PTPRG: variants seen among roughly 807,000 people sequenced by gnomAD.
PTPRG encodes the protein protein tyrosine phosphatase receptor type G.
A neutral mutation model predicts 165.3 loss-of-function variants in PTPRG; 102 were observed. That is an observed-to-expected ratio of 0.62 (90% CI 0.53 to 0.73). The LOEUF (loss-of-function observed/expected upper bound fraction) is 0.73. Among genes scored for constraint, PTPRG ranks in the 30% least tolerant of loss-of-function variants. The probability of loss-of-function intolerance (pLI) is 0.00; values close to 1 mark genes in which losing one functional copy is unlikely to be tolerated. For synonymous variants in PTPRG, 675 were observed against 669.5 expected (o/e 1.01, Z -0.13); for missense variants, 1,866 against 1,861.4 (o/e 1.00, Z -0.05).
intron 2 of PTPRG, among the ~76,000 whole-genome samples, chr3:61,936,251 A>T (rs927958533): frequency 2.4e-4 from 37 of 152,232 alleles, no homozygotes; most frequent in Non-Finnish European, 3.7e-4. Flanking sequence ...TTGTTACAGC[A>T]GCACAGACAG....
intron 2 of PTPRG, among the ~76,000 whole-genome samples, chr3:61,758,117 G>A (rs1398262980): frequency 6.6e-6 from 1 of 152,068 alleles, no homozygotes; most frequent in Non-Finnish European, 1.5e-5. Context: ...CCAGGCTGAA[G>A]TGCCTGGTAC....
intron 4 of PTPRG, among the ~76,000 whole-genome samples, chr3:62,047,292 C>T (rs1700326451): frequency 9.7e-6 from 1 of 102,608 alleles, no homozygotes; most frequent in Admixed American, 1.0e-4. Context: ...TGGAGTCTTG[C>T]TCTATCGCCC....
rs182261622 is a variant in PTPRG, at chr3:61,934,644, A to G, written c.191-54981A>G. Reference sequence around the variant, plus strand: ...TGCATTGTGGCCAGCTGGAAGGTACAAAGTATAGAGTATGTCTCATTCCCT... The same window carrying G: ...TGCATTGTGGCCAGCTGGAAGGTACGAAGTATAGAGTATGTCTCATTCCCT... On this transcript the variant is annotated intron_variant, in intron 2 of 29. Coordinates refer to ENST00000474889, the MANE Select transcript of PTPRG (RefSeq NM_002841.4). Among the ~76,000 whole-genome samples the G allele has an allele frequency of 1.9e-3, 288 of 152,178 alleles. 3 individuals carry two copies. Among genetic ancestry groups the G allele is most frequent in the Admixed American group, 0.017 (259 of 15,296 alleles).
At chr3:61,612,641 C>T (rs35045100) in intron 1 of PTPRG, among the ~76,000 whole-genome samples, 13,518 of 152,138 alleles carry the variant, frequency 0.089, 721 homozygotes, top group East Asian at 0.21. Flanking sequence ...TTTTTTCCCC[C>T]GTCTTCTCTA....
At chr3:61,655,170 C>T (rs920576586) in intron 1 of PTPRG, among the ~76,000 whole-genome samples, 1 of 152,124 alleles carries the variant, frequency 6.6e-6, no homozygotes, top group Non-Finnish European at 1.5e-5. Flanking sequence ...ATGGTTGAGT[C>T]GCCGAGTCCC....
chr3:62,019,416 G>A (rs574674890), intron 4 of PTPRG, among the ~76,000 whole-genome samples: 1 of 151,984 alleles, frequency 6.6e-6, no homozygotes, highest in East Asian at 1.9e-4. Flanking sequence ...CCAGCTACTT[G>A]GGAGGCTGAG....
chr3:61,628,197 G>C (rs1362237534), intron 1 of PTPRG, among the ~76,000 whole-genome samples: 1 of 152,126 alleles, frequency 6.6e-6, no homozygotes, highest in East Asian at 1.9e-4. Flanking sequence ...ATAAGAATTA[G>C]ATATATGTGG....
intron 2 of PTPRG, among the ~76,000 whole-genome samples, chr3:61,848,514 T>G (rs2036869632): frequency 2.0e-5 from 3 of 152,234 alleles, no homozygotes; most frequent in Non-Finnish European, 4.4e-5. Context: ...TTTTCCAAAG[T>G]GGAGTTATAC....
At chr3:61,789,449 T>C (rs1373900663) in intron 2 of PTPRG, among the ~76,000 whole-genome samples, 1 of 152,178 alleles carries the variant, frequency 6.6e-6, no homozygotes, top group East Asian at 1.9e-4. Flanking sequence ...ACATACTTCT[T>C]GCCCTTACAG....
chr3:61,777,358 G>GGCT (rs1466658368), intron 2 of PTPRG, among the ~76,000 whole-genome samples: 1 of 152,126 alleles, frequency 6.6e-6, no homozygotes, highest in Non-Finnish European at 1.5e-5. Context: ...TGTGGCTAGT[G>GGCT]GCTACCATAT....
At chr3:62,034,742 G>C (rs532450537) in intron 4 of PTPRG, among the ~76,000 whole-genome samples, 63 of 152,300 alleles carry the variant, frequency 4.1e-4, no homozygotes, top group Middle Eastern at 3.4e-3. Flanking sequence ...GCTGGCAGCG[G>C]ACAAGGATGA....
intron 7 of PTPRG, among the ~76,000 whole-genome samples, chr3:62,167,532 A>G (rs1486615335): frequency 6.6e-6 from 1 of 152,196 alleles, no homozygotes; most frequent in Non-Finnish European, 1.5e-5. Context: ...GGCTCAGGTT[A>G]AGCAGCTTGT....
chr3:62,251,356 C>T (rs571219978), intron 15 of PTPRG, among the ~76,000 whole-genome samples: 1 of 145,548 alleles, frequency 6.9e-6, no homozygotes, highest in East Asian at 2.0e-4. Flanking sequence ...TCCATCTCTA[C>T]AAAAAATGTA....
intron 4 of PTPRG, among the ~76,000 whole-genome samples, chr3:62,018,973 G>A (rs1301865076): frequency 6.6e-6 from 1 of 152,162 alleles, no homozygotes; most frequent in African/African-American, 2.4e-5. Flanking sequence ...TTTTTGAAGG[G>A]ATCCTCTTAG....
chr3:61,974,866 A>G (rs2040466677), intron 2 of PTPRG, among the ~76,000 whole-genome samples: 1 of 152,214 alleles, frequency 6.6e-6, no homozygotes. Context: ...AGCTGAACTC[A>G]GCTGTAAGAC....
Position 62,000,439 on chromosome 3 carries a change from G to A in PTPRG, c.371-2910G>A, listed in dbSNP as rs141831362. Among the ~76,000 whole-genome samples, 1,197 of 152,304 alleles carry A rather than the reference G, an allele frequency of 7.9e-3. 24 individuals carry two copies. The highest frequency in any genetic ancestry group is 0.028 in the African/African-American group (1,150 of 41,546). On this transcript the variant is annotated intron_variant, in intron 3 of 29. Transcript: ENST00000474889. ...AACGGTGCAGACCTAGGCAACAGAA[G>A]GGAGGAAGACATGTGGGAAAAGACA...
chr3:61,755,168 C>T (rs1200853838), intron 2 of PTPRG, among the ~76,000 whole-genome samples: 4 of 152,074 alleles, frequency 2.6e-5, no homozygotes, highest in African/African-American at 4.8e-5. Context: ...CCACCACGCC[C>T]GACTAATTTT....
intron 2 of PTPRG, among the ~76,000 whole-genome samples, chr3:61,827,856 T>C (rs1464484423): frequency 2.6e-5 from 4 of 152,216 alleles, no homozygotes; most frequent in African/African-American, 9.7e-5. Context: ...ATTTTCTTAT[T>C]ATATAGTACC....
At chr3:62,007,152 C>T (rs1028194739) in intron 4 of PTPRG, among the ~76,000 whole-genome samples, 2 of 152,040 alleles carry the variant, frequency 1.3e-5, no homozygotes, top group African/African-American at 2.4e-5. Flanking sequence ...AAACATGTGC[C>T]CCACAAGAAG....
Sources: allele counts gnomAD v4.1 joint callset (sites outside exome capture counted in the v4.1 genomes callset), GRCh38; gene constraint gnomAD v4.1.1; transcripts MANE v1.5; gene names NCBI Gene and HGNC (gene_info 2026-07-23, HGNC 2026-07-21).